Variants in SNTG1 observed in about 807,000 individuals in gnomAD.
SNTG1 encodes syntrophin gamma 1.
SNTG1 carries 39 observed loss-of-function variants against 74.7 expected under a neutral mutation model. The ratio of observed to expected loss-of-function variants is 0.52; its 90% CI spans 0.40 to 0.68. SNTG1 has a LOEUF of 0.68. SNTG1 is among the 30% of genes least tolerant of loss of function. The pLI, the probability that SNTG1 is intolerant of heterozygous loss-of-function variation, is 0.00. For synonymous variants in SNTG1, 254 were observed against 217.1 expected (o/e 1.17, Z -1.49); for missense variants, 685 against 609.5 (o/e 1.12, Z -1.30).
At chr8:49,950,212 T>C (rs1235796152) in intron 1 of SNTG1, among the ~76,000 whole-genome samples, 3 of 152,198 alleles carry the variant, frequency 2.0e-5, no homozygotes, top group Non-Finnish European at 4.4e-5. Context: ...CATTATATCT[T>C]TACAGACTCT....
At chr8:50,187,535 A>C (rs1173528153) in intron 2 of SNTG1, among the ~76,000 whole-genome samples, 1 of 152,186 alleles carries the variant, frequency 6.6e-6, no homozygotes, top group Non-Finnish European at 1.5e-5. Flanking sequence ...TTTGTTAAAT[A>C]GATTATGTGC....
chr8:50,503,434 A>G (rs1426787227), intron 9 of SNTG1, among the ~76,000 whole-genome samples: 1 of 152,216 alleles, frequency 6.6e-6, no homozygotes, highest in Non-Finnish European at 1.5e-5. Flanking sequence ...CATAATTTGT[A>G]TGCAATAAAA....
intron 3 of SNTG1, among the ~76,000 whole-genome samples, chr8:50,395,811 C>T (rs1404275008): frequency 1.3e-5 from 2 of 152,040 alleles, no homozygotes; most frequent in Non-Finnish European, 2.9e-5. Flanking sequence ...GTGCCCGGCC[C>T]ATTTCTGGTT....
At chr8:50,722,012 A>G (rs987855404) in intron 17 of SNTG1, among the ~76,000 whole-genome samples, 3 of 151,294 alleles carry the variant, frequency 2.0e-5, no homozygotes, top group Non-Finnish European at 2.9e-5. Flanking sequence ...ATTACATATT[A>G]TATGCCTCAT....
At chr8:50,447,645 C>T (rs757885466) in intron 5 of SNTG1, among the ~76,000 whole-genome samples, 10 of 152,136 alleles carry the variant, frequency 6.6e-5, no homozygotes, top group Non-Finnish European at 1.2e-4. Context: ...AGACATTATT[C>T]CAGGCACTGG....
chr8:50,324,641 T>C (rs968692574), intron 2 of SNTG1, among the ~76,000 whole-genome samples: 5 of 152,140 alleles, frequency 3.3e-5, no homozygotes, highest in African/African-American at 9.7e-5. Flanking sequence ...CAACATTCCC[T>C]TGTAGGATAT....
chr8:50,064,404 T>C (rs1820731936), intron 1 of SNTG1, among the ~76,000 whole-genome samples: 1 of 152,176 alleles, frequency 6.6e-6, no homozygotes, highest in African/African-American at 2.4e-5. Context: ...TCCTTCTGCT[T>C]ACCTTGATGG....
intron 18 of SNTG1, among the ~76,000 whole-genome samples, chr8:50,774,247 T>A (rs2095634296): frequency 6.6e-6 from 1 of 151,836 alleles, no homozygotes. Context: ...AATTTAATAT[T>A]AATATACATA....
In SNTG1 at chr8:50,028,828, G is replaced by T. The variant is rs534416782; in HGVS notation, c.-103+116597G>T. Among the ~76,000 whole-genome samples the T allele has an allele frequency of 3.9e-5, 6 of 152,050 alleles. No individual in the cohort carries two copies. In the South Asian group the frequency reaches 8.3e-4, roughly 21 times the overall value. The stretch of plus-strand genomic sequence containing the variant: ...TTGTTTAGCTCTTCCAATACATTGC[G>T]TCATAAGATTCCATTATTGTCTTAA... On this transcript the variant is annotated intron_variant, in intron 1 of 18. Transcript: ENST00000642720.
At chr8:50,196,822 A>G (rs2083788856) in intron 2 of SNTG1, among the ~76,000 whole-genome samples, 1 of 151,682 alleles carries the variant, frequency 6.6e-6, no homozygotes. Context: ...AAAACAAAAA[A>G]AACCCAAAAC....
intron 8 of SNTG1, among the ~76,000 whole-genome samples, chr8:50,460,147 T>C (rs572403321): frequency 3.3e-5 from 5 of 152,308 alleles, no homozygotes; most frequent in African/African-American, 1.2e-4. Context: ...AAGCATTCCC[T>C]TTTCTCTGCA....
At chr8:50,001,979 C>G (rs1222798113) in intron 1 of SNTG1, among the ~76,000 whole-genome samples, 1 of 152,092 alleles carries the variant, frequency 6.6e-6, no homozygotes, top group Non-Finnish European at 1.5e-5. Flanking sequence ...ACGAATCAGG[C>G]TGGGAAGGAG....
At chr8:50,321,766 C>A (rs1489120730) in intron 2 of SNTG1, among the ~76,000 whole-genome samples, 1 of 152,060 alleles carries the variant, frequency 6.6e-6, no homozygotes, top group Non-Finnish European at 1.5e-5. Flanking sequence ...CTAATGCCAG[C>A]TTAACAGTGA....
At chr8:50,084,313 T>A (rs1422791532) in intron 1 of SNTG1, among the ~76,000 whole-genome samples, 2 of 151,918 alleles carry the variant, frequency 1.3e-5, no homozygotes, top group Non-Finnish European at 2.9e-5. Flanking sequence ...ACACAAAGAT[T>A]AGCCTGGCAT....
chr8:50,210,915 C>A (rs1213631081), intron 2 of SNTG1, among the ~76,000 whole-genome samples: 9 of 152,256 alleles, frequency 5.9e-5, no homozygotes, highest in Non-Finnish European at 1.5e-5. Flanking sequence ...CACTAATTAG[C>A]TTTTCTCTTA....
chr8:50,471,241 A>T (rs2093651816), intron 8 of SNTG1, among the ~76,000 whole-genome samples: 1 of 83,320 alleles, frequency 1.2e-5, no homozygotes, highest in Admixed American at 1.2e-4. Context: ...TAAAAATCAT[A>T]TAATTTTTTT....
intron 2 of SNTG1, among the ~76,000 whole-genome samples, chr8:50,197,755 C>T (rs2083832411): frequency 6.6e-6 from 1 of 152,126 alleles, no homozygotes; most frequent in Non-Finnish European, 1.5e-5. Context: ...AAACTTGGAA[C>T]ATGGTGTTAT....
At chr8:50,331,051 A>T (rs1273103183) in intron 2 of SNTG1, among the ~76,000 whole-genome samples, 1 of 152,168 alleles carries the variant, frequency 6.6e-6, no homozygotes, top group Non-Finnish European at 1.5e-5. Context: ...ATTTTCCAAA[A>T]TGTGTTTCTA....
chr8:50,362,143 G>T (rs982225163), intron 2 of SNTG1, among the ~76,000 whole-genome samples: 1 of 152,088 alleles, frequency 6.6e-6, no homozygotes. Flanking sequence ...CAGGACTATG[G>T]ATTTTGTAAG....
Sources: gnomAD v4.1 joint callset for allele counts (sites outside exome capture counted in the v4.1 genomes callset) on GRCh38, gnomAD v4.1.1 for gene constraint, MANE v1.5 for transcripts, NCBI Gene and HGNC (gene_info 2026-07-23, HGNC 2026-07-21) for gene names.